Variants in DNER observed in about 807,000 individuals in gnomAD.
DNER encodes delta/notch like EGF repeat containing, also known as delta and Notch-like epidermal growth factor-related receptor.
DNER carries 33 observed loss-of-function variants against 78.2 expected under a neutral mutation model. The ratio of observed to expected loss-of-function variants is 0.42; its 90% CI spans 0.32 to 0.56. The LOEUF (loss-of-function observed/expected upper bound fraction) is 0.56, where lower values mean the gene tolerates loss of function less well. Ranked by LOEUF, DNER falls within the 20% of genes least tolerant of loss-of-function variation. The pLI is 0.11. For missense variants in DNER, 918 were observed against 975.3 expected (o/e 0.94, Z 0.78); for synonymous variants, 417 against 384.8 (o/e 1.08, Z -0.98).
At chr2:229,688,932 T>C (rs968496390) in intron 1 of DNER, among the ~76,000 whole-genome samples, 2 of 151,906 alleles carry the variant, frequency 1.3e-5, no homozygotes, top group African/African-American at 4.8e-5. Flanking sequence ...TAGTGGGAGC[T>C]GAGAAATAAG....
At chr2:229,363,233 T>A (rs1204274744) in intron 12 of DNER, among the ~76,000 whole-genome samples, 1 of 152,180 alleles carries the variant, frequency 6.6e-6, no homozygotes, top group Non-Finnish European at 1.5e-5. Context: ...GACTCTGACA[T>A]CAGAATCACC....
At chr2:229,670,192 G>A (rs1699183714) in intron 1 of DNER, among the ~76,000 whole-genome samples, 1 of 152,236 alleles carries the variant, frequency 6.6e-6, no homozygotes, top group African/African-American at 2.4e-5. Context: ...TCCCGAGCAT[G>A]ATGTGGGGTT....
At chr2:229,574,325 GA>G (rs1330633326) in intron 4 of DNER, among the ~76,000 whole-genome samples, 2 of 152,058 alleles carry the variant, frequency 1.3e-5, no homozygotes, top group Non-Finnish European at 2.9e-5. Context: ...CAGAAAAAAG[GA>G]AGAAAGAAAG....
chr2:229,432,321 T>A (rs1694023548), intron 8 of DNER, among the ~76,000 whole-genome samples: 1 of 152,044 alleles, frequency 6.6e-6, no homozygotes, highest in Non-Finnish European at 1.5e-5. Context: ...CCAGAAGTTT[T>A]TCATTATGGG....
At chr2:229,696,812 A>G (rs1244622155) in intron 1 of DNER, among the ~76,000 whole-genome samples, 1 of 152,138 alleles carries the variant, frequency 6.6e-6, no homozygotes, top group Admixed American at 6.6e-5. Context: ...GGATGCTATC[A>G]CCCAGGTAAC....
intron 1 of DNER, among the ~76,000 whole-genome samples, chr2:229,711,237 C>T (rs966152702): frequency 1.2e-4 from 19 of 152,046 alleles, no homozygotes; most frequent in Non-Finnish European, 4.4e-5. Flanking sequence ...GCTTTCTTAT[C>T]AGCTTGTTTT....
At chr2:229,659,338 A>G (rs1698966790) in intron 1 of DNER, among the ~76,000 whole-genome samples, 2 of 152,176 alleles carry the variant, frequency 1.3e-5, no homozygotes, top group South Asian at 4.1e-4. Context: ...TGCAAAAAGA[A>G]TGACTCCCCA....
At chr2:229,624,716 A>G (rs1237526351) in intron 1 of DNER, among the ~76,000 whole-genome samples, 1 of 152,118 alleles carries the variant, frequency 6.6e-6, no homozygotes, top group African/African-American at 2.4e-5. Flanking sequence ...AATAACCCGA[A>G]ATCGTTTTTC....
At chr2:229,615,702 ACT>A (rs1433565087) in intron 1 of DNER, among the ~76,000 whole-genome samples, 3 of 151,930 alleles carry the variant, frequency 2.0e-5, no homozygotes, top group Non-Finnish European at 4.4e-5. Context: ...ACAAAGCAAG[ACT>A]CTGTCTCAAA....
At chr2:229,470,667 T>G (rs900137699) in intron 7 of DNER, among the ~76,000 whole-genome samples, 3 of 152,072 alleles carry the variant, frequency 2.0e-5, no homozygotes, top group African/African-American at 7.2e-5. Context: ...CTGGCCAACA[T>G]GGTGAAACCC....
chr2:229,519,784 C>A (rs1164476726), intron 5 of DNER, among the ~76,000 whole-genome samples: 3 of 152,072 alleles, frequency 2.0e-5, no homozygotes, highest in Non-Finnish European at 2.9e-5. Context: ...TCTCAAATAA[C>A]CCCGGCAATG....
intron 4 of DNER, among the ~76,000 whole-genome samples, chr2:229,563,107 C>G (rs1371236329): frequency 6.9e-6 from 1 of 145,610 alleles, no homozygotes. Context: ...ATCACACCAT[C>G]ACCATCATCA....
intron 1 of DNER, among the ~76,000 whole-genome samples, chr2:229,673,975 G>A (rs551142619): frequency 3.1e-4 from 47 of 152,328 alleles, no homozygotes; most frequent in Non-Finnish European, 5.3e-4. Context: ...TGTCATCCCC[G>A]CTGCTCCTTG....
At chr2:229,672,410 G>T (rs778643687) in intron 1 of DNER, among the ~76,000 whole-genome samples, 1 of 151,774 alleles carries the variant, frequency 6.6e-6, no homozygotes. Context: ...AAGGAGGGAG[G>T]GGGGAGAGAG....
At chr2:229,480,648 T>G (rs1695138013) in intron 6 of DNER, among the ~76,000 whole-genome samples, 1 of 152,210 alleles carries the variant, frequency 6.6e-6, no homozygotes, top group Non-Finnish European at 1.5e-5. Flanking sequence ...CATAACAGCT[T>G]CGGGACCTCA....
intron 5 of DNER, among the ~76,000 whole-genome samples, chr2:229,533,943 T>C (rs981996720): frequency 6.6e-6 from 1 of 152,250 alleles, no homozygotes; most frequent in African/African-American, 2.4e-5. Context: ...AAGTGACTTT[T>C]TTGATATTGT....
intron 10 of DNER, among the ~76,000 whole-genome samples, chr2:229,390,280 G>C (rs1052080628): frequency 6.6e-6 from 1 of 152,166 alleles, no homozygotes; most frequent in Non-Finnish European, 1.5e-5. Flanking sequence ...TACTGCTATG[G>C]TCTGGCAAAA....
chr2:229,623,769 A>G (rs1698291234), intron 1 of DNER, among the ~76,000 whole-genome samples: 3 of 152,216 alleles, frequency 2.0e-5, no homozygotes, highest in Non-Finnish European at 2.9e-5. Flanking sequence ...ATCTGGTCCC[A>G]CTGCAGTGGG....
At chr2:229,653,802 T>C (rs1050478309) in intron 1 of DNER, among the ~76,000 whole-genome samples, 2 of 152,230 alleles carry the variant, frequency 1.3e-5, no homozygotes, top group Admixed American at 6.5e-5. Flanking sequence ...TTGTAAGCCT[T>C]AGGCCATCTG....
Sources: gnomAD v4.1 joint callset for allele counts (sites outside exome capture counted in the v4.1 genomes callset) on GRCh38, gnomAD v4.1.1 for gene constraint, MANE v1.5 for transcripts, NCBI Gene and HGNC (gene_info 2026-07-23, HGNC 2026-07-21) for gene names.